DPRX: variants seen among roughly 807,000 people sequenced by gnomAD.
The protein encoded by DPRX is divergent paired-related homeobox.
DPRX carries 11 observed loss-of-function variants against 8.4 expected under a neutral mutation model. The observed-to-expected ratio is 1.31, with a 90% CI of 0.82 to 2.17. The LOEUF (loss-of-function observed/expected upper bound fraction) is 2.17, where lower values mean the gene tolerates loss of function less well. Among genes scored for constraint, DPRX ranks in the 30% most tolerant of loss-of-function variants. The pLI, the probability that DPRX is intolerant of heterozygous loss-of-function variation, is 0.00. For synonymous variants in DPRX, 72 were observed against 87.0 expected, an observed-to-expected ratio of 0.83 and a Z score of 0.96; for missense variants, 211 against 236.7, an observed-to-expected ratio of 0.89 and a Z score of 0.71.
At chr19:53,614,111 C>T in the DPRX span, among the ~76,000 whole-genome samples, 1 of 151,982 alleles carries the variant, frequency 6.6e-6, no homozygotes, top group Non-Finnish European at 1.5e-5. Context: ...CCACCACGCC[C>T]TGCTAATTTT....
the DPRX span, among the ~76,000 whole-genome samples, chr19:53,607,684 T>C: frequency 1.8e-5 from 2 of 113,110 alleles, no homozygotes; most frequent in Middle Eastern, 4.5e-3. Context: ...AAACCCCGTC[T>C]CTACCAAAAA....
the DPRX span, chr19:53,617,294 C>T: frequency 1.5e-6 from 1 of 679,986 alleles, no homozygotes; most frequent in Admixed American, 2.0e-5. Context: ...TGCAGTGGCT[C>T]ACGCCTGTAA....
chr19:53,607,236 T>G, the DPRX span, among the ~76,000 whole-genome samples: 3 of 152,198 alleles, frequency 2.0e-5, no homozygotes, highest in Non-Finnish European at 2.9e-5. Flanking sequence ...GTCCAGGTTC[T>G]GCACCCCAGG....
the DPRX span, among the ~76,000 whole-genome samples, chr19:53,609,800 C>T: frequency 6.6e-6 from 1 of 151,998 alleles, no homozygotes; most frequent in South Asian, 2.1e-4. Context: ...GCCTGGCCAA[C>T]ATGGTGAAAC....
chr19:53,613,975 A>T, the DPRX span, among the ~76,000 whole-genome samples: 6 of 149,894 alleles, frequency 4.0e-5, no homozygotes, highest in African/African-American at 1.2e-4. Flanking sequence ...TTTTTGAGAC[A>T]AAGTCTCACT....
At chr19:53,605,107 G>T in the DPRX span, among the ~76,000 whole-genome samples, 1 of 152,142 alleles carries the variant, frequency 6.6e-6, no homozygotes, top group East Asian at 1.9e-4. Context: ...TGAGCCCAGA[G>T]GTTCCACATC....
the DPRX span, chr19:53,601,517 T>A: frequency 8.5e-6 from 3 of 353,758 alleles, no homozygotes; most frequent in Admixed American, 1.1e-4. Flanking sequence ...AGTCTTGCTG[T>A]GTCACCCAGG....
At chr19:53,604,009 G>A in the DPRX span, among the ~76,000 whole-genome samples, 1 of 151,854 alleles carries the variant, frequency 6.6e-6, no homozygotes, top group Non-Finnish European at 1.5e-5. Flanking sequence ...GCCTCCCAAA[G>A]TTCTGGGATT....
At chr19:53,634,930 A>T (rs1214780621) in intron 2 of DPRX, among the ~76,000 whole-genome samples, 1 of 152,184 alleles carries the variant, frequency 6.6e-6, no homozygotes, top group African/African-American at 2.4e-5. Flanking sequence ...TCTAGCAACT[A>T]TTTTAACTAT....
At position 53,632,259 on chromosome 19, in the gene DPRX, C is replaced by T. The variant is rs1360605009; in HGVS notation, c.28+125C>T. The T allele has an allele frequency of 4.2e-6, 5 of 1,190,894 alleles. No individual in the cohort carries two copies. The East Asian group carries it at 1.2e-4, about 28-fold the overall frequency. 73.8% of individuals were successfully genotyped at this position (1,190,894 alleles called of 1,614,324 possible). ...GCTTCGTCCACGTGGGTGGCAGGGACTTCCCACAGAGGCTGTCATCGTTTT... is the reference window on the plus strand; with the variant it reads ...GCTTCGTCCACGTGGGTGGCAGGGATTTCCCACAGAGGCTGTCATCGTTTT... On this transcript the variant is annotated intron_variant, in intron 1 of 2. Transcript: ENST00000376650.
chr19:53,619,867 A>AAC, the DPRX span, among the ~76,000 whole-genome samples: 2 of 151,282 alleles, frequency 1.3e-5, no homozygotes, highest in African/African-American at 4.8e-5. Context: ...AAAAAAAAAA[A>AAC]AAAAAGGATA....
At chr19:53,619,372 C>T in the DPRX span, among the ~76,000 whole-genome samples, 2 of 152,008 alleles carry the variant, frequency 1.3e-5, no homozygotes, top group African/African-American at 4.8e-5. Context: ...AACTCTGTCT[C>T]TACTAAAAAT....
the DPRX span, among the ~76,000 whole-genome samples, chr19:53,605,432 A>G: frequency 1.3e-5 from 2 of 149,542 alleles, no homozygotes; most frequent in African/African-American, 4.9e-5. Context: ...GCTGGAGGGC[A>G]GTGGCGCGAT....
exon 2 of DPRX, chr19:53,634,678 T>C (rs1206074386): frequency 6.2e-7 from 1 of 1,608,986 alleles, no homozygotes. Flanking sequence ...CACCCAACAG[T>C]ACTGCAGGTT....
At chr19:53,602,953 C>A in the DPRX span, among the ~76,000 whole-genome samples, 1 of 151,992 alleles carries the variant, frequency 6.6e-6, no homozygotes, top group Non-Finnish European at 1.5e-5. Context: ...AGCCACCACA[C>A]CCAGCCTAAA....
chr19:53,601,505 A>G, the DPRX span: 520 of 353,528 alleles, frequency 1.5e-3, 2 homozygotes, highest in Non-Finnish European at 2.6e-3. Flanking sequence ...TTTTTGAGAC[A>G]GAGTCTTGCT....
chr19:53,601,163 C>A, the DPRX span: 7 of 431,160 alleles, frequency 1.6e-5, no homozygotes, highest in Non-Finnish European at 2.8e-5. Context: ...ACTACAGGCA[C>A]ACCCCACACT....
chr19:53,602,267 G>GGTGTGTGTGTGT, the DPRX span: 30 of 277,384 alleles, frequency 1.1e-4, no homozygotes, highest in Admixed American at 6.0e-4. Flanking sequence ...TATGGGTATG[G>GGTGTGTGTGTGT]GTGTGTGTGT....
chr19:53,617,621 T>C, the DPRX span, among the ~76,000 whole-genome samples: 2 of 145,032 alleles, frequency 1.4e-5, no homozygotes, highest in African/African-American at 5.1e-5. Context: ...CTCCTGTCAA[T>C]GAAGTTTTAA....
Sources: gnomAD v4.1 joint callset for allele counts (sites outside exome capture counted in the v4.1 genomes callset) on GRCh38, gnomAD v4.1.1 for gene constraint, MANE v1.5 for transcripts, NCBI Gene and HGNC (gene_info 2026-07-23, HGNC 2026-07-21) for gene names.